The following ERFL variants were observed in gnomAD, a reference collection of about 807,000 sequenced individuals.
ERFL encodes ETS repressor factor like, also known as ETS domain-containing transcription factor ERF-like.
Under a neutral mutation model 27.9 loss-of-function variants are expected in ERFL, and 8 were observed. The ratio of observed to expected loss-of-function variants is 0.29; its 90% confidence interval spans 0.17 to 0.52. The LOEUF is 0.52. ERFL is among the 20% of genes least tolerant of loss of function. The pLI is 0.97. For missense variants in ERFL, 294 were observed against 444.4 expected, an observed-to-expected ratio of 0.66 and a Z score of 3.04; for synonymous variants, 174 against 202.8, an observed-to-expected ratio of 0.86 and a Z score of 1.21.
intron 1 of ERFL, among the ~76,000 whole-genome samples, chr19:41,919,496 TGTGC>T (rs2145901972): frequency 6.8e-6 from 1 of 147,790 alleles, no homozygotes; most frequent in South Asian, 2.1e-4. Flanking sequence ...ACCACCCACG[TGTGC>T]ACGTGCACGC....
chr19:41,917,770 G>C lies in ERFL; in HGVS notation c.-13-4838C>G, dbSNP rs1423091758. On this transcript the variant is annotated intron_variant, in intron 1 of 5. Transcript: ENST00000597630. This position sits in a 1 kb window ranked among gnomAD's most constrained non-coding sequence, Gnocchi z 4.8. The stretch of plus-strand genomic sequence containing the variant: ...AGGACACATCTGTGCACACAGTAGA[G>C]ACCCACAGTGACACCCACTAGTAGG... 6.6e-6 allele frequency among the ~76,000 whole-genome samples: 1 copy of C among 151,564 alleles called. No homozygotes were observed. The highest frequency in any genetic ancestry group is 1.5e-5 in the Non-Finnish European group (1 of 67,920).
At position 41,909,098 on chromosome 19, in the gene ERFL, T is replaced by G; in HGVS notation, c.578A>C (p.Lys193Thr). The G allele has an allele frequency of 8.1e-7, 1 of 1,231,708 alleles. No individual in the cohort carries two copies. The highest frequency in any genetic ancestry group is 1.0e-6 in the Non-Finnish European group (1 of 988,000). The allele number at this position is 1,231,708 out of a possible 1,614,324, so 76.3% of individuals were successfully genotyped here. A position where few individuals can be genotyped will look rare whatever the true frequency, so the allele number is the denominator to read the frequency against. The change falls in exon 5 of 6, where the codon AAA becomes ACA. Residue 193 changes from lysine to threonine, a missense_variant. This residue lies in a region of ERFL where 246 missense variants were observed against 371.4 expected (regional missense o/e 0.66). Transcript: ENST00000597630. The surrounding 1 kb of genome is among the most constrained non-coding windows in gnomAD (Gnocchi z 5.2). ...TGGGAAAGGGCTGTCCAGACGCAAT[T>G]TATCTGTCTCGGAGGTGAACAGGGG... ...RTPLFTSETDKLRLDSPFPFL... is the reference protein window; with the variant it reads ...RTPLFTSETDTLRLDSPFPFL...
At chr19:41,922,222 G>A (rs2074846637) in intron 1 of ERFL, among the ~76,000 whole-genome samples, 2 of 152,234 alleles carry the variant, frequency 1.3e-5, no homozygotes, top group Admixed American at 1.3e-4. Flanking sequence ...AGAGCCCGGG[G>A]CTTGGCACCA....
chr19:41,913,224 C>G (rs2074764631), intron 1 of ERFL, among the ~76,000 whole-genome samples: 2 of 151,888 alleles, frequency 1.3e-5, no homozygotes, highest in Non-Finnish European at 2.9e-5. Context: ...TCCCCGCTCC[C>G]CGCCACTCGC....
chr19:41,913,437 C>A (rs2074766533), intron 1 of ERFL, among the ~76,000 whole-genome samples: 1 of 151,886 alleles, frequency 6.6e-6, no homozygotes, highest in African/African-American at 2.4e-5. Context: ...CCACACCCGC[C>A]CCACCCGGAC....
At chr19:41,919,675 C>T (rs188942531) in intron 1 of ERFL, among the ~76,000 whole-genome samples, 17 of 152,216 alleles carry the variant, frequency 1.1e-4, no homozygotes, top group Non-Finnish European at 2.1e-4. Context: ...TCCTCAGCTG[C>T]GTCCTTCACA....
chr19:41,919,586 C>A (rs1196233698), intron 1 of ERFL, among the ~76,000 whole-genome samples: 1 of 152,106 alleles, frequency 6.6e-6, no homozygotes, highest in Non-Finnish European at 1.5e-5. Context: ...CTCAGAGACA[C>A]AACAGCAACC....
chr19:41,909,704 C>T lies in ERFL; in HGVS notation c.302+159G>A, dbSNP rs1303900217. Reference sequence around the variant, plus strand: ...CCCAGGTTTAGGGGTCCCTCCTCCTCGCCTCCCTTCCACTCACAAGTAGCG... The same window carrying T: ...CCCAGGTTTAGGGGTCCCTCCTCCTTGCCTCCCTTCCACTCACAAGTAGCG... On this transcript the variant is annotated intron_variant, in intron 3 of 5. Coordinates refer to ENST00000597630, the MANE Select transcript of ERFL (RefSeq NM_001365103.2). This position sits in a 1 kb window ranked among gnomAD's most constrained non-coding sequence, Gnocchi z 5.2. 6.6e-6 allele frequency among the ~76,000 whole-genome samples: 1 copy of T among 152,128 alleles called. No individual in the cohort carries two copies. Among genetic ancestry groups the T allele is most frequent in the Non-Finnish European group, 1.5e-5 (1 of 68,008 alleles).
At chr19:41,914,571 CTCCG>C (rs1412350027) in intron 1 of ERFL, among the ~76,000 whole-genome samples, 1 of 28,246 alleles carries the variant, frequency 3.5e-5, no homozygotes, top group Non-Finnish European at 7.8e-5. Flanking sequence ...CCATCTCTGT[CTCCG>C]TCTCTCCCTC....
In ERFL at chr19:41,921,332, G is replaced by A. The variant is rs1340882042; in HGVS notation, c.-14+6708C>T. On this transcript the variant is annotated intron_variant, in intron 1 of 5. Coordinates refer to ENST00000597630, the MANE Select transcript of ERFL (RefSeq NM_001365103.2). This position sits in a 1 kb window ranked among gnomAD's most constrained non-coding sequence, Gnocchi z 4.4. ...GAGCGTGATACATGGAGAACTGAGA[G>A]GAAGCAGGAGTGAGACACGGAGGGA... Among the ~76,000 whole-genome samples, 3 of 152,152 alleles carry A rather than the reference G, an allele frequency of 2.0e-5. No homozygotes were observed. The highest frequency in any genetic ancestry group is 4.8e-5 in the African/African-American group (2 of 41,424).
In ERFL at chr19:41,908,305, T is replaced by C. The variant is rs2074730230; in HGVS notation, c.988A>G (p.Ser330Gly). ...CCCTCATCGCCCTCGCTGTCAGAGC[T>C]GCAGCCGCTGACGTCGGTGATCTCC... ...ELEITDVSGC[S>G]SDSEGDEGLP... The change falls in exon 6 of 6, where the codon AGC becomes GGC. Residue 330 changes from serine to glycine, a missense_variant. Physicochemically the swap from Ser to Gly is moderately conservative, Grantham distance 56. This residue lies in a region of ERFL where 246 missense variants were observed against 371.4 expected (regional missense o/e 0.66). Coordinates refer to ENST00000597630, the MANE Select transcript of ERFL (RefSeq NM_001365103.2). This position sits in a 1 kb window ranked among gnomAD's most constrained non-coding sequence, Gnocchi z 6.7. 1 of 1,231,484 alleles carries C rather than the reference T, an allele frequency of 8.1e-7. No individual in the cohort carries two copies. The highest frequency in any genetic ancestry group is 1.0e-6 in the Non-Finnish European group (1 of 987,798). The allele number at this position is 1,231,484 out of a possible 1,614,324, so 76.3% of individuals were successfully genotyped here.
At chr19:41,914,322 C>G (rs1555851567) in intron 1 of ERFL, among the ~76,000 whole-genome samples, 1 of 151,352 alleles carries the variant, frequency 6.6e-6, no homozygotes, top group African/African-American at 2.4e-5. Context: ...CTTCCGTCTC[C>G]CCCCACCATC....
In ERFL at chr19:41,908,287, C is replaced by T. The variant is rs1173021663; in HGVS notation, c.1006G>A (p.Asp336Asn). 12 of 1,231,474 alleles carry T rather than the reference C, an allele frequency of 9.7e-6. No homozygotes were observed. The highest frequency in any genetic ancestry group is 4.1e-5 in the South Asian group (1 of 24,326). 76.3% of individuals were successfully genotyped at this position (1,231,474 alleles called of 1,614,324 possible). The change falls in exon 6 of 6, where the codon GAT becomes AAT. Residue 336 changes from aspartate (D) to asparagine (N), a missense_variant. This residue lies in a region of ERFL where 246 missense variants were observed against 371.4 expected (regional missense o/e 0.66). Coordinates refer to ENST00000597630, the MANE Select transcript of ERFL (RefSeq NM_001365103.2). The surrounding 1 kb of genome is among the most constrained non-coding windows in gnomAD (Gnocchi z 6.7). ...TTGGGGGGTGCCGGGAGACCCTCATCGCCCTCGCTGTCAGAGCTGCAGCCG... is the reference window on the plus strand; with the variant it reads ...TTGGGGGGTGCCGGGAGACCCTCATTGCCCTCGCTGTCAGAGCTGCAGCCG... ...VSGCSSDSEG[D>N]EGLPAPPKAK...
intron 1 of ERFL, among the ~76,000 whole-genome samples, chr19:41,925,801 C>T (rs1456177928): frequency 1.3e-5 from 2 of 152,072 alleles, no homozygotes; most frequent in Admixed American, 1.3e-4. Context: ...CTTAGGTGAC[C>T]TGTGTGTGGC....
chr19:41,913,803 A>C (rs1599673366), intron 1 of ERFL, among the ~76,000 whole-genome samples: 1 of 67,930 alleles, frequency 1.5e-5, no homozygotes, highest in Admixed American at 1.8e-4. Flanking sequence ...CCTCCCCTCC[A>C]CACACACACC....
intron 1 of ERFL, among the ~76,000 whole-genome samples, chr19:41,918,497 ATC>A (rs1491257193): frequency 7.0e-6 from 1 of 142,790 alleles, no homozygotes; most frequent in Non-Finnish European, 1.5e-5. Flanking sequence ...CCACACACAC[ATC>A]ACACACACAC....
rs1568831434 is a variant in ERFL, at chr19:41,914,545, T to TC, written c.-13-1614_-13-1613insG. On this transcript the variant is annotated intron_variant, in intron 1 of 5. Coordinates refer to ENST00000597630, the MANE Select transcript of ERFL (RefSeq NM_001365103.2). Reference sequence around the variant, plus strand: ...TTTCTCCCCATCTCTGCTATCCGTCTTTCCCTCCCCTTCCACCATCTCTGT... The same window carrying TC: ...TTTCTCCCCATCTCTGCTATCCGTCTCTTCCCTCCCCTTCCACCATCTCTGT... 3.4e-4 allele frequency among the ~76,000 whole-genome samples: 48 copies of TC among 140,428 alleles called. 3 individuals are homozygous for TC. Among genetic ancestry groups the TC allele is most frequent in the Middle Eastern group, 3.7e-3 (1 of 268 alleles). The allele number at this position is 140,428 out of a possible 152,430, so 92.1% of individuals were successfully genotyped here.
Position 41,908,934 on chromosome 19 carries a change from C to T in ERFL, c.616+126G>A, listed in dbSNP as rs782663179. 1.2e-3 allele frequency: 650 copies of T among 554,096 alleles called. 5 individuals carry two copies. Among genetic ancestry groups the T allele is most frequent in the Admixed American group, 4.8e-4 (11 of 22,862 alleles). The allele number at this position is 554,096 out of a possible 1,614,324, so 34.3% of individuals were successfully genotyped here. A position where few individuals can be genotyped will look rare whatever the true frequency, so the allele number is the denominator to read the frequency against. ...CATCCTTTTCTGGGTTTTACACACA[C>T]ACACCCTACAACCTGGCCCTGGGCC... On this transcript the variant is annotated intron_variant, in intron 5 of 5. Transcript: ENST00000597630. This position sits in a 1 kb window ranked among gnomAD's most constrained non-coding sequence, Gnocchi z 6.7.
chr19:41,910,498 C>A lies in ERFL; in HGVS notation c.68-401G>T, dbSNP rs1189588154. 6.6e-6 allele frequency among the ~76,000 whole-genome samples: 1 copy of A among 152,116 alleles called. No homozygotes were observed. The highest frequency in any genetic ancestry group is 1.5e-5 in the Non-Finnish European group (1 of 68,012). On this transcript the variant is annotated intron_variant, in intron 2 of 5. Coordinates refer to ENST00000597630, the MANE Select transcript of ERFL (RefSeq NM_001365103.2). The surrounding 1 kb of genome is among the most constrained non-coding windows in gnomAD (Gnocchi z 4.4). ...CCTAGGAGGTCTCTAGTCTCTTGTA[C>A]CCTGCGGTGCCCTCAGCTCTTACTG...
Sources: gnomAD v4.1 joint callset for allele counts (sites outside exome capture counted in the v4.1 genomes callset) on GRCh38, gnomAD v4.1.1 for gene constraint, gnomAD v4.1.1 regional missense constraint, Gnocchi (gnomAD v3.1) non-coding constraint, MANE v1.5 for transcripts, NCBI Gene and HGNC (gene_info 2026-07-23, HGNC 2026-07-21) for gene names.